CASZ1: variants seen among roughly 807,000 people sequenced by gnomAD.
CASZ1 encodes castor zinc finger 1.
CASZ1 carries 28 observed loss-of-function variants against 135.2 expected under a neutral mutation model. The ratio of observed to expected loss-of-function variants is 0.21; its 90% CI spans 0.15 to 0.28. CASZ1 has a LOEUF of 0.28. Among genes scored for constraint, CASZ1 ranks in the 10% least tolerant of loss-of-function variants. The probability of loss-of-function intolerance (pLI) is 1.00; values close to 1 mark genes in which losing one functional copy is unlikely to be tolerated. For missense variants in CASZ1, 2,161 were observed against 2,453.3 expected (o/e 0.88, Z 2.52); for synonymous variants, 1,068 against 1,073.4 (o/e 0.99, Z 0.10).
Position 10,646,999 on chromosome 1 carries a change from G to A in CASZ1, c.3498-673C>T, listed in dbSNP as rs1323808256. ...GGGGTGCAGGAGGACACTGGTCCCA[G>A]CCTTCAACTCTGGTTGGCAACACTG... On this transcript the variant is annotated intron_variant, in intron 16 of 20. Coordinates refer to ENST00000377022, the MANE Select transcript of CASZ1 (RefSeq NM_001079843.3). The surrounding 1 kb of genome is among the most constrained non-coding windows in gnomAD (Gnocchi z 6.4). 1.3e-5 allele frequency among the ~76,000 whole-genome samples: 2 copies of A among 152,042 alleles called. No homozygotes were observed. The highest frequency in any genetic ancestry group is 2.9e-5 in the Non-Finnish European group (2 of 67,988).
At chr1:10,722,312 C>T (rs1381021165) in intron 2 of CASZ1, among the ~76,000 whole-genome samples, 2 of 152,232 alleles carry the variant, frequency 1.3e-5, no homozygotes, top group Non-Finnish European at 2.9e-5. Context: ...ACATGTTTTG[C>T]TGAAGACACT....
chr1:10,646,270 A>T lies in CASZ1; in HGVS notation c.3554T>A (p.Leu1185His). Residue 1185 changes from leucine to histidine, a missense_variant, in exon 17 of 21, where the codon CTC (leucine) becomes CAC (histidine). By Grantham distance (99) the Leu-to-His change is moderately conservative. Around this residue, in one of 7 missense-constraint regions of CASZ1, gnomAD observed 349 missense variants for 460.8 expected, o/e 0.76. Coordinates refer to ENST00000377022, the MANE Select transcript of CASZ1 (RefSeq NM_001079843.3). This position sits in a 1 kb window ranked among gnomAD's most constrained non-coding sequence, Gnocchi z 6.4. ...GCAGACGTACTTGCAGTTCCCAAAG[A>T]GACAGTGGAAGTGGAACTTGTTGGC... The part of the protein sequence containing the change: ...KYANKFHFHC[L>H]FGNCKYVCKT... 4.3e-6 allele frequency: 7 copies of T among 1,614,126 alleles called. No individual in the cohort carries two copies. The highest frequency in any genetic ancestry group is 5.9e-6 in the Non-Finnish European group (7 of 1,180,026).
At chr1:10,753,223 G>C (rs72862913) in intron 2 of CASZ1, among the ~76,000 whole-genome samples, 2,423 of 152,310 alleles carry the variant, frequency 0.016, 79 homozygotes, top group African/African-American at 0.055. Context: ...TCAGCAGGTA[G>C]CCCCCGGCAG....
rs1202127674 is a variant in CASZ1, at chr1:10,701,427, G to A, written c.-24+4065C>T. On this transcript the variant is annotated intron_variant, in intron 3 of 20. Coordinates refer to ENST00000377022, the MANE Select transcript of CASZ1 (RefSeq NM_001079843.3). This position sits in a 1 kb window ranked among gnomAD's most constrained non-coding sequence, Gnocchi z 6.3. ...ATTCGCTGCCTGGCTTCTCCCTGCT[G>A]TGCCCTCTGCCCACCCCCAAAATCC... 8.5e-5 allele frequency among the ~76,000 whole-genome samples: 13 copies of A among 152,166 alleles called. No individual in the cohort carries two copies. Among genetic ancestry groups the A allele is most frequent in the Non-Finnish European group, 1.5e-5 (1 of 68,028 alleles).
chr1:10,732,923 G>A (rs1440920500), intron 2 of CASZ1, among the ~76,000 whole-genome samples: 2 of 152,158 alleles, frequency 1.3e-5, no homozygotes, highest in African/African-American at 4.8e-5. Flanking sequence ...TCCCAGGGAC[G>A]TGTTAATTAT....
intron 3 of CASZ1, among the ~76,000 whole-genome samples, chr1:10,702,591 C>T (rs566670661): frequency 9.2e-5 from 14 of 152,132 alleles, no homozygotes; most frequent in Admixed American, 1.3e-4. Flanking sequence ...GGCAATGACC[C>T]GGGCCAGGGA....
At chr1:10,723,041 C>G (rs1028699357) in intron 2 of CASZ1, among the ~76,000 whole-genome samples, 6 of 152,210 alleles carry the variant, frequency 3.9e-5, no homozygotes, top group Non-Finnish European at 5.9e-5. Context: ...ATGGGGTGTG[C>G]GTGGGTGCAG....
chr1:10,648,006 A>G lies in CASZ1; in HGVS notation c.3292T>C (p.Ser1098Pro). The change falls in exon 16 of 21, where the codon TCC (serine) becomes CCC (proline). Residue 1098 changes from serine (S) to proline (P), a missense_variant. Coordinates refer to ENST00000377022, the MANE Select transcript of CASZ1 (RefSeq NM_001079843.3). ...PVPPVTTATV[S>P]SLEGPAPSPA... The stretch of plus-strand genomic sequence containing the variant: ...CTGGGAGCGGGCCCCTCCAGAGAGG[A>G]CACCGTGGCCGTGGTGACAGGAGGG... The G allele has an allele frequency of 6.2e-7, 1 of 1,601,678 alleles. No homozygotes were observed. The highest frequency in any genetic ancestry group is 8.5e-7 in the Non-Finnish European group (1 of 1,173,402).
chr1:10,653,442 A>G lies in CASZ1; in HGVS notation c.2615T>C (p.Leu872Pro). 1 of 1,613,342 alleles carries G rather than the reference A, an allele frequency of 6.2e-7. No individual in the cohort carries two copies. The highest frequency in any genetic ancestry group is 8.5e-7 in the Non-Finnish European group (1 of 1,179,994). ...IMERISASKG[L>P]ISPMMARLAA... ...CAGCCTGGCCATCATGGGCGAGATG[A>G]GGCCCTTGCTTGCAGAGATCCTCTC... The change falls in exon 11 of 21, where the codon CTC becomes CCC. Residue 872 changes from leucine (L) to proline (P), a missense_variant. Physicochemically the swap from Leu to Pro is moderately conservative, Grantham distance 98 (BLOSUM62 -3). Transcript: ENST00000377022.
Position 10,728,749 on chromosome 1 carries a change from G to A in CASZ1, c.-76-23205C>T, listed in dbSNP as rs12043004. ...TGTTGTTTTACAACTGTGACCGACC[G>A]TCACATGAGAGGGGGGACAGCTGGG... On this transcript the variant is annotated intron_variant, in intron 2 of 20. Transcript: ENST00000377022. 2.0e-4 allele frequency among the ~76,000 whole-genome samples: 31 copies of A among 152,092 alleles called. No homozygotes were observed. The East Asian group carries it at 2.7e-3, about 13-fold the overall frequency.
chr1:10,757,070 G>A lies in CASZ1; in HGVS notation c.-77+3631C>T, dbSNP rs1462764619. Among the ~76,000 whole-genome samples, 1 of 152,120 alleles carries A rather than the reference G, an allele frequency of 6.6e-6. No homozygotes were observed. The highest frequency in any genetic ancestry group is 1.5e-5 in the Non-Finnish European group (1 of 68,034). On this transcript the variant is annotated intron_variant, in intron 2 of 20. Transcript: ENST00000377022. This position sits in a 1 kb window ranked among gnomAD's most constrained non-coding sequence, Gnocchi z 4.6. ...TGCTCCCAGGCTCACTCCTGAAAAC[G>A]GTGTCGGAGAGAAGCAGTTCCCTCC...
chr1:10,648,462 G>A (rs981718068), intron 15 of CASZ1: 3 of 306,572 alleles, frequency 9.8e-6, no homozygotes, highest in Non-Finnish European at 1.8e-5. Context: ...CTGCTCGGAG[G>A]TCTTAAAGGT....
intron 4 of CASZ1, among the ~76,000 whole-genome samples, chr1:10,673,361 T>C (rs531544485): frequency 6.6e-6 from 1 of 152,306 alleles, no homozygotes; most frequent in Admixed American, 6.5e-5. Context: ...TAAAGCAACT[T>C]ACACAAATAT....
In CASZ1 at chr1:10,667,793, G is replaced by GC. The variant is rs1195479028; in HGVS notation, c.17-2223dup. On this transcript the variant is annotated intron_variant, in intron 4 of 20. Transcript: ENST00000377022. ...CAGGGCCGCACTTGCTGCTGGTGAC[G>GC]CCCCCTCCCCGGGCCCCCACCCATC... 3.0e-3 allele frequency among the ~76,000 whole-genome samples: 450 copies of GC among 151,662 alleles called. 3 individuals are homozygous for GC. Among genetic ancestry groups the GC allele is most frequent in the African/African-American group, 0.011 (433 of 41,060 alleles).
At chr1:10,782,454 G>A (rs1223298484) in intron 1 of CASZ1, among the ~76,000 whole-genome samples, 2 of 152,252 alleles carry the variant, frequency 1.3e-5, no homozygotes, top group Non-Finnish European at 2.9e-5. Flanking sequence ...AGGTCTCTAA[G>A]AGCAGGTTGG....
rs559084409 is a variant in CASZ1, at chr1:10,727,571, A to G, written c.-76-22027T>C. ...CTCTTCCTTGGTCCCCATAGCCCCC[A>G]AGCCAGGTTCCTAGACTCCAAGAAT... On this transcript the variant is annotated intron_variant, in intron 2 of 20. Transcript: ENST00000377022. The surrounding 1 kb of genome is among the most constrained non-coding windows in gnomAD (Gnocchi z 5.3). 1.3e-3 allele frequency among the ~76,000 whole-genome samples: 203 copies of G among 152,178 alleles called. No individual in the cohort carries two copies. Among genetic ancestry groups the G allele is most frequent in the Non-Finnish European group, 2.4e-3 (161 of 68,000 alleles).
intron 1 of CASZ1, among the ~76,000 whole-genome samples, chr1:10,791,209 A>C (rs1180046517): frequency 6.6e-6 from 1 of 152,184 alleles, no homozygotes; most frequent in African/African-American, 2.4e-5. Context: ...CAAAAACCCC[A>C]CTATACTTCT....
chr1:10,661,512 C>T (rs1557481336), intron 5 of CASZ1: 2 of 150,748 alleles, frequency 1.3e-5, no homozygotes, highest in African/African-American at 2.5e-5. Context: ...ATACAACACA[C>T]ACATGCATTC....
At chr1:10,689,247 C>G (rs1638690115) in intron 4 of CASZ1, among the ~76,000 whole-genome samples, 1 of 152,248 alleles carries the variant, frequency 6.6e-6, no homozygotes, top group Admixed American at 6.5e-5. Flanking sequence ...TTCCAAGCCC[C>G]ACCCAATCCC....
Sources: allele counts gnomAD v4.1 joint callset (sites outside exome capture counted in the v4.1 genomes callset), GRCh38; gene constraint gnomAD v4.1.1; regional missense constraint gnomAD v4.1.1; non-coding constraint Gnocchi (gnomAD v3.1); transcripts MANE v1.5; gene names NCBI Gene and HGNC (gene_info 2026-07-23, HGNC 2026-07-21).